EVA1C: variants seen among roughly 807,000 people sequenced by gnomAD.
The protein encoded by EVA1C is protein eva-1 homolog C.
EVA1C carries 25 observed loss-of-function variants against 45.4 expected under a neutral mutation model. The observed-to-expected ratio is 0.55, with a 90% CI of 0.40 to 0.77. EVA1C has a LOEUF of 0.77. Ranked by LOEUF, EVA1C falls within the 30% of genes least tolerant of loss-of-function variation. EVA1C has a pLI of 0.00. For missense variants in EVA1C, 479 were observed against 554.8 expected (o/e 0.86, Z 1.37); for synonymous variants, 190 against 221.2 (o/e 0.86, Z 1.25).
intron 1 of EVA1C, among the ~76,000 whole-genome samples, chr21:32,450,003 G>A (rs989841465): frequency 2.0e-5 from 3 of 152,190 alleles, no homozygotes; most frequent in Non-Finnish European, 4.4e-5. Flanking sequence ...TACTTGGAAT[G>A]TGCTAGGACT....
At chr21:32,482,500 T>A (rs2036822651) in intron 4 of EVA1C, among the ~76,000 whole-genome samples, 1 of 152,192 alleles carries the variant, frequency 6.6e-6, no homozygotes, top group Non-Finnish European at 1.5e-5. Context: ...GACATGAGCT[T>A]CCTGCCTTCC....
Position 32,467,916 on chromosome 21 carries a change from ATATATCC to A in EVA1C, c.634+74_634+80del, listed in dbSNP as rs1450083547. 623 of 941,736 alleles carry A rather than the reference ATATATCC, an allele frequency of 6.6e-4. 1 individual carries two copies. The highest frequency in any genetic ancestry group is 3.9e-3 in the South Asian group (113 of 28,900). The allele number at this position is 941,736 out of a possible 1,614,324, so 58.3% of individuals were successfully genotyped here. On this transcript the variant is annotated intron_variant, in intron 4 of 7. Coordinates refer to ENST00000300255, the MANE Select transcript of EVA1C (RefSeq NM_058187.5). Reference sequence around the variant, plus strand: ...GACAGAATTAATAGAATATATATATATATATCCTATATATATCCTATATGATTGTGAA... The same window carrying A: ...GACAGAATTAATAGAATATATATATATATATATATCCTATATGATTGTGAA...
intron 5 of EVA1C, among the ~76,000 whole-genome samples, chr21:32,495,767 C>A (rs576035252): frequency 6.6e-6 from 1 of 152,174 alleles, no homozygotes; most frequent in African/African-American, 2.4e-5. Context: ...CATAAAGCCA[C>A]GTAAAAGCAA....
chr21:32,477,993 C>T (rs986312571), intron 4 of EVA1C, among the ~76,000 whole-genome samples: 9 of 143,688 alleles, frequency 6.3e-5, no homozygotes, highest in Non-Finnish European at 1.2e-4. Context: ...ATGCTGTCAC[C>T]GCCACCATAC....
At chr21:32,471,864 G>A (rs145300352) in intron 4 of EVA1C, among the ~76,000 whole-genome samples, 1,959 of 151,626 alleles carry the variant, frequency 0.013, 31 homozygotes, top group Admixed American at 0.038. Context: ...TCCTGACCTC[G>A]TGATCCACCC....
chr21:32,484,944 ATT>A (rs112060186), intron 4 of EVA1C, among the ~76,000 whole-genome samples: 1 of 147,056 alleles, frequency 6.8e-6, no homozygotes. Flanking sequence ...TTGTTTGCCG[ATT>A]TTTTTTTTTA....
At chr21:32,466,220 A>G (rs912152333) in intron 3 of EVA1C, among the ~76,000 whole-genome samples, 6 of 152,160 alleles carry the variant, frequency 3.9e-5, no homozygotes, top group African/African-American at 1.4e-4. Flanking sequence ...GGAGATCAAG[A>G]CCATCCTGGC....
At chr21:32,435,464 C>T (rs1000157273) in intron 1 of EVA1C, among the ~76,000 whole-genome samples, 12 of 152,360 alleles carry the variant, frequency 7.9e-5, no homozygotes, top group African/African-American at 2.4e-4. Context: ...AATTGCTGCT[C>T]GCCCTCCTCC....
intron 5 of EVA1C, among the ~76,000 whole-genome samples, chr21:32,499,864 C>T (rs746817810): frequency 2.6e-5 from 4 of 152,140 alleles, no homozygotes; most frequent in South Asian, 2.1e-4. Context: ...TGTCATCTGC[C>T]GGCTGCTTTG....
intron 4 of EVA1C, among the ~76,000 whole-genome samples, chr21:32,475,783 TC>T (rs2036532401): frequency 6.6e-6 from 1 of 152,142 alleles, no homozygotes; most frequent in South Asian, 2.1e-4. Context: ...CCGGCTGACT[TC>T]CAGCTGACTT....
intron 1 of EVA1C, chr21:32,433,161 A>G (rs962430046): frequency 5.3e-5 from 8 of 152,218 alleles, no homozygotes; most frequent in African/African-American, 1.9e-4. Context: ...AACCCATGTG[A>G]TGCTTCCCAC....
At chr21:32,477,713 G>GCCCTC (rs1454123805) in intron 4 of EVA1C, among the ~76,000 whole-genome samples, 1 of 56,194 alleles carries the variant, frequency 1.8e-5, no homozygotes, top group African/African-American at 7.2e-5. Context: ...TCCCCCGTAC[G>GCCCTC]CCCTCACCTC....
chr21:32,467,412 A>G (rs2036212956), intron 3 of EVA1C, among the ~76,000 whole-genome samples: 1 of 152,120 alleles, frequency 6.6e-6, no homozygotes, highest in Non-Finnish European at 1.5e-5. Flanking sequence ...CCTTCCTGGG[A>G]CCTAACTCCA....
chr21:32,493,150 T>C (rs2037222945), intron 4 of EVA1C, among the ~76,000 whole-genome samples: 1 of 152,210 alleles, frequency 6.6e-6, no homozygotes, highest in Non-Finnish European at 1.5e-5. Context: ...ACCTGTTATA[T>C]TATAAGTGAA....
Position 32,412,744 on chromosome 21 carries a change from G to T in EVA1C, c.-110G>T, listed in dbSNP as rs1052755701. 2.6e-6 allele frequency: 3 copies of T among 1,151,916 alleles called. No homozygotes were observed. Among genetic ancestry groups the T allele is most frequent in the African/African-American group, 3.3e-5 (2 of 61,396 alleles). The allele number at this position is 1,151,916 out of a possible 1,614,324, so 71.4% of individuals were successfully genotyped here. A position where few individuals can be genotyped will look rare whatever the true frequency, so the allele number is the denominator to read the frequency against. On this transcript the variant is annotated 5_prime_UTR_variant, in exon 1 of 8. Transcript: ENST00000300255. Reference sequence around the variant, plus strand: ...CAGCCTGGGCAGGGAGGCGGCGGGGGGCCGCGGAGCCGCTGGCCATCGATT... The same window carrying T: ...CAGCCTGGGCAGGGAGGCGGCGGGGTGCCGCGGAGCCGCTGGCCATCGATT...
In EVA1C at chr21:32,452,369, C is replaced by T. The variant is rs2035613700; in HGVS notation, c.161-943C>T. On this transcript the variant is annotated intron_variant, in intron 1 of 7. Transcript: ENST00000300255. This position sits in a 1 kb window ranked among gnomAD's most constrained non-coding sequence, Gnocchi z 4.0. ...TGCAGGGCACGTGACAGGGGCATGG[C>T]TCGCTTCTCAGTACCCTGCTGCTCA... 6.6e-6 allele frequency: 1 copy of T among 152,240 alleles called. No homozygotes were observed. The highest frequency in any genetic ancestry group is 1.5e-5 in the Non-Finnish European group (1 of 68,080). 9.4% of individuals were successfully genotyped at this position (152,240 alleles called of 1,614,324 possible).
chr21:32,473,590 C>A (rs1328404697), intron 4 of EVA1C, among the ~76,000 whole-genome samples: 2 of 152,220 alleles, frequency 1.3e-5, no homozygotes, highest in Non-Finnish European at 2.9e-5. Context: ...CATGGTGGCA[C>A]CTCTCTAATC....
At chr21:32,478,171 C>T (rs1048178732) in intron 4 of EVA1C, among the ~76,000 whole-genome samples, 2 of 151,166 alleles carry the variant, frequency 1.3e-5, no homozygotes, top group East Asian at 2.0e-4. Flanking sequence ...TACCTCAGAA[C>T]GTGACCTTAT....
chr21:32,456,617 A>G (rs942470934), intron 2 of EVA1C, among the ~76,000 whole-genome samples: 6 of 152,244 alleles, frequency 3.9e-5, no homozygotes, highest in African/African-American at 1.2e-4. Context: ...CTATGAGAAC[A>G]TGGTGACTCA....
Sources: gnomAD v4.1 joint callset for allele counts (sites outside exome capture counted in the v4.1 genomes callset) on GRCh38, gnomAD v4.1.1 for gene constraint, Gnocchi (gnomAD v3.1) non-coding constraint, MANE v1.5 for transcripts, NCBI Gene and HGNC (gene_info 2026-07-23, HGNC 2026-07-21) for gene names.